TGFBR2: variants seen among roughly 807,000 people sequenced by gnomAD.
TGFBR2 encodes transforming growth factor beta receptor 2.
Under a neutral mutation model 49.0 loss-of-function variants are expected in TGFBR2, and 18 were observed. The observed-to-expected ratio is 0.37, with a 90% CI of 0.25 to 0.54. TGFBR2 has a LOEUF of 0.54. TGFBR2 is among the 20% of genes least tolerant of loss of function. The pLI, the probability that TGFBR2 is intolerant of heterozygous loss-of-function variation, is 0.85. For synonymous variants in TGFBR2, 282 were observed against 275.9 expected (o/e 1.02, Z -0.22); for missense variants, 525 against 722.6 (o/e 0.73, Z 3.13).
intron 3 of TGFBR2, among the ~76,000 whole-genome samples, chr3:30,651,983 G>A (rs1306841017): frequency 6.6e-6 from 1 of 152,226 alleles, no homozygotes; most frequent in African/African-American, 2.4e-5. Flanking sequence ...CCTGCGAGAA[G>A]CTATGTGTCC....
At chr3:30,644,660 T>C (rs1363639177) in intron 1 of TGFBR2, 87 bp from the exon 2 acceptor site, 3 of 1,296,680 alleles carry the variant, frequency 2.3e-6, no homozygotes, top group African/African-American at 2.9e-5. Context: ...ATCAAGTTCA[T>C]TTGAAATTGC....
intron 5 of TGFBR2, among the ~76,000 whole-genome samples, chr3:30,685,485 C>G (rs1193057596): frequency 6.6e-6 from 1 of 152,106 alleles, no homozygotes; most frequent in Non-Finnish European, 1.5e-5. Context: ...GATAAGCTCT[C>G]ATGAGAAGGA....
intron 3 of TGFBR2, among the ~76,000 whole-genome samples, 167 bp downstream of exon 3, chr3:30,650,627 T>C (rs1698865472): frequency 6.6e-6 from 1 of 152,190 alleles, no homozygotes; most frequent in South Asian, 2.1e-4. Flanking sequence ...GCAGGGTTTG[T>C]TCTGGTTCTC....
intron 3 of TGFBR2, among the ~76,000 whole-genome samples, chr3:30,655,320 C>T (rs751067223): frequency 6.6e-6 from 1 of 152,128 alleles, no homozygotes; most frequent in Non-Finnish European, 1.5e-5. Flanking sequence ...ATAAACTGAG[C>T]ATTTGGATAC....
intron 3 of TGFBR2, among the ~76,000 whole-genome samples, chr3:30,669,165 G>A (rs1223641145): frequency 1.4e-5 from 2 of 145,056 alleles, no homozygotes; most frequent in Non-Finnish European, 3.0e-5. Flanking sequence ...TGGGCATAGA[G>A]GCTAAGGCAG....
chr3:30,614,704 A>G (rs1698099529), intron 1 of TGFBR2, among the ~76,000 whole-genome samples: 1 of 152,214 alleles, frequency 6.6e-6, no homozygotes, highest in Non-Finnish European at 1.5e-5. Context: ...ACAACTTTAG[A>G]AGGTAGGTTA....
intron 1 of TGFBR2, among the ~76,000 whole-genome samples, chr3:30,632,215 C>A (rs188634708): frequency 1.3e-5 from 2 of 152,150 alleles, no homozygotes; most frequent in Admixed American, 1.3e-4. Context: ...ATTGCCTTCC[C>A]ATCTCTGCAT....
At chr3:30,640,320 C>T (rs1187506926) in intron 1 of TGFBR2, among the ~76,000 whole-genome samples, 1 of 152,032 alleles carries the variant, frequency 6.6e-6, no homozygotes, top group Non-Finnish European at 1.5e-5. Context: ...AACGAATTTG[C>T]CTATTAGGGG....
intron 1 of TGFBR2, among the ~76,000 whole-genome samples, chr3:30,619,269 A>G (rs1242300116): frequency 2.0e-5 from 3 of 152,172 alleles, no homozygotes; most frequent in South Asian, 2.1e-4. Flanking sequence ...TATATTTGTC[A>G]TCTGTAAAAA....
At chr3:30,684,723 G>A (rs1699595486) in intron 5 of TGFBR2, among the ~76,000 whole-genome samples, 1 of 151,758 alleles carries the variant, frequency 6.6e-6, no homozygotes, top group East Asian at 1.9e-4. Flanking sequence ...GAATATTAGG[G>A]AGTCTCACAA....
intron 3 of TGFBR2, among the ~76,000 whole-genome samples, chr3:30,663,226 A>T (rs1250523956): frequency 1.3e-5 from 2 of 152,214 alleles, no homozygotes; most frequent in Non-Finnish European, 2.9e-5. Context: ...ACACAGATAC[A>T]TTCACATATA....
In TGFBR2 at chr3:30,692,447, C is replaced by T. The variant is rs17026336; in HGVS notation, c.*848C>T. The T allele has an allele frequency of 3.5e-4, 82 of 232,176 alleles. No individual in the cohort carries two copies. The highest frequency in any genetic ancestry group is 1.7e-3 in the African/African-American group (79 of 45,370). 14.4% of individuals were successfully genotyped at this position (232,176 alleles called of 1,614,324 possible). A position where few individuals can be genotyped will look rare whatever the true frequency, so the allele number is the denominator to read the frequency against. ...TTGCAGAAAAATCAGAACAGATGTC[C>T]CCATCCATGCGATTGCCCCACCATC... On this transcript the variant is annotated 3_prime_UTR_variant, in exon 7 of 7. Coordinates refer to ENST00000295754, the MANE Select transcript of TGFBR2 (RefSeq NM_003242.6).
intron 3 of TGFBR2, among the ~76,000 whole-genome samples, chr3:30,666,552 G>A (rs1699246225): frequency 6.6e-6 from 1 of 152,018 alleles, no homozygotes; most frequent in Non-Finnish European, 1.5e-5. Flanking sequence ...AAATCACTTA[G>A]TCCAGGCTAC....
At chr3:30,685,075 C>G (rs1699599353) in intron 5 of TGFBR2, among the ~76,000 whole-genome samples, 1 of 152,090 alleles carries the variant, frequency 6.6e-6, no homozygotes. Flanking sequence ...TATTCTGATC[C>G]CAACATTTTC....
intron 1 of TGFBR2, among the ~76,000 whole-genome samples, chr3:30,607,458 G>C (rs1262503645): frequency 6.6e-6 from 1 of 152,206 alleles, no homozygotes; most frequent in African/African-American, 2.4e-5. Flanking sequence ...TCCTGGAGAC[G>C]GCCACGCTTT....
At position 30,692,606 on chromosome 3, in the gene TGFBR2, C is replaced by T. The variant is rs141927808; in HGVS notation, c.*1007C>T. On this transcript the variant is annotated 3_prime_UTR_variant, in exon 7 of 7. Transcript: ENST00000295754. The stretch of plus-strand genomic sequence containing the variant: ...CTTTATCGTGTTTACTTTTTCATTA[C>T]ACTTGACTTGATTTTCTAGTTTTCT... The T allele has an allele frequency of 3.0e-5, 7 of 233,126 alleles. No homozygotes were observed. The highest frequency in any genetic ancestry group is 5.9e-5 in the Non-Finnish European group (7 of 117,896). The allele number at this position is 233,126 out of a possible 1,614,324, so 14.4% of individuals were successfully genotyped here.
rs375330013 is a variant in TGFBR2 at position 30,644,744 on chromosome 3, C to A, written c.95-3C>A. 5.5e-5 allele frequency: 88 copies of A among 1,613,838 alleles called. No homozygotes were observed. Among genetic ancestry groups the A allele is most frequent in the Non-Finnish European group, 6.9e-5 (82 of 1,179,882 alleles). Reference sequence around the variant, plus strand: ...CATTTAATATATCTTTCTCTCTCCTCAGTTAATAACGACATGATAGTCACT... The same window carrying A: ...CATTTAATATATCTTTCTCTCTCCTAAGTTAATAACGACATGATAGTCACT... On this transcript the variant is annotated splice_polypyrimidine_tract_variant and splice_region_variant and intron_variant, in intron 1 of 6. Transcript: ENST00000295754.
intron 1 of TGFBR2, among the ~76,000 whole-genome samples, chr3:30,636,571 A>G (rs1698536874): frequency 6.6e-6 from 1 of 152,186 alleles, no homozygotes; most frequent in African/African-American, 2.4e-5. Flanking sequence ...AAATAATAGA[A>G]AATTCAAAAG....
Position 30,692,417 on chromosome 3 carries a change from A to G in TGFBR2, c.*818A>G, listed in dbSNP as rs542944964. The stretch of plus-strand genomic sequence containing the variant: ...GTTTTGAACCCCACTTTTTACCTTC[A>G]TGGGTTGCAGAAAAATCAGAACAGA... On this transcript the variant is annotated 3_prime_UTR_variant, in exon 7 of 7. Transcript: ENST00000295754. 2 of 231,306 alleles carry G rather than the reference A, an allele frequency of 8.6e-6. No individual in the cohort carries two copies. The highest frequency in any genetic ancestry group is 1.7e-5 in the Non-Finnish European group (2 of 116,898). The allele number at this position is 231,306 out of a possible 1,614,324, so 14.3% of individuals were successfully genotyped here.
Sources: allele counts gnomAD v4.1 joint callset (sites outside exome capture counted in the v4.1 genomes callset), GRCh38; gene constraint gnomAD v4.1.1; transcripts MANE v1.5; gene names NCBI Gene and HGNC (gene_info 2026-07-23, HGNC 2026-07-21).